TPTE: variants seen among roughly 807,000 people sequenced by gnomAD.
TPTE encodes the protein putative tyrosine-protein phosphatase TPTE.
TPTE carries 59 observed loss-of-function variants against 84.1 expected under a neutral mutation model. That is an observed-to-expected ratio of 0.70 (90% CI 0.57 to 0.87). The LOEUF (loss-of-function observed/expected upper bound fraction) is 0.87, where lower values mean the gene tolerates loss of function less well. Among genes scored for constraint, TPTE ranks in the 40% least tolerant of loss-of-function variants. The pLI, the probability that TPTE is intolerant of heterozygous loss-of-function variation, is 0.00. For missense variants in TPTE, 382 were observed against 659.6 expected (o/e 0.58, Z 4.61); for synonymous variants, 130 against 223.5 (o/e 0.58, Z 3.73).
intron 8 of TPTE, among the ~76,000 whole-genome samples, chr21:10,556,310 G>A (rs2074682449): frequency 6.6e-6 from 1 of 152,302 alleles, no homozygotes; most frequent in Admixed American, 6.5e-5. Context: ...TTCTGACCTT[G>A]CGGTAGCTTG....
chr21:10,605,194 C>A (rs1343869812), intron 23 of TPTE, among the ~76,000 whole-genome samples: 1 of 152,308 alleles, frequency 6.6e-6, no homozygotes, highest in Non-Finnish European at 1.5e-5. Flanking sequence ...TAAAGCAATG[C>A]TAAGAGAGTC....
chr21:10,569,666 C>T lies in TPTE; in HGVS notation c.667-17C>T, dbSNP rs111700820. On this transcript the variant is annotated splice_polypyrimidine_tract_variant and intron_variant, in intron 12 of 23. Coordinates refer to ENST00000618007, the MANE Select transcript of TPTE (RefSeq NM_199261.4). ...TGATGAGTGTTTCACAAACTAATGA[C>T]GATTTTAAACTGTCAGGTTTCAGAA... The T allele has an allele frequency of 1.2e-4, 188 of 1,613,570 alleles. No homozygotes were observed. The African/African-American group carries it at 2.0e-3, about 17-fold the overall frequency.
intron 21 of TPTE, among the ~76,000 whole-genome samples, 155 bp from the exon 22 acceptor site, chr21:10,601,903 T>C (rs1279078242): frequency 1.3e-5 from 2 of 152,422 alleles, no homozygotes; most frequent in East Asian, 3.9e-4. Context: ...GTATTGCAAC[T>C]AGAAGAGATT....
At chr21:10,527,094 AT>A (rs1759511229) in intron 2 of TPTE, among the ~76,000 whole-genome samples, 1 of 152,302 alleles carries the variant, frequency 6.6e-6, no homozygotes, top group Non-Finnish European at 1.5e-5. Context: ...ATATAGAAAC[AT>A]TCATTATTCT....
intron 2 of TPTE, among the ~76,000 whole-genome samples, chr21:10,526,737 G>C (rs469672): frequency 0.11 from 16,022 of 146,456 alleles, 7 homozygotes; most frequent in African/African-American, 0.29. Flanking sequence ...ATATGGTGTA[G>C]AGAGCAGGTT....
chr21:10,547,495 T>A (rs909765697), intron 7 of TPTE, among the ~76,000 whole-genome samples: 6 of 152,308 alleles, frequency 3.9e-5, no homozygotes, highest in African/African-American at 1.4e-4. Flanking sequence ...AACAGGAGAA[T>A]CTCACAGTCT....
At chr21:10,566,399 C>T (rs111362032) in intron 10 of TPTE, among the ~76,000 whole-genome samples, 3,721 of 150,916 alleles carry the variant, frequency 0.025, 1 homozygote, top group African/African-American at 0.088. Flanking sequence ...CCCTCATACA[C>T]TGTTCATGGA....
At chr21:10,540,144 G>A (rs1450347002) in intron 4 of TPTE, among the ~76,000 whole-genome samples, 8 of 152,420 alleles carry the variant, frequency 5.2e-5, no homozygotes, top group Admixed American at 2.6e-4. Context: ...TCTTTGGCAC[G>A]GCCCTGTGTG....
chr21:10,547,708 T>A (rs1255476626), intron 7 of TPTE, among the ~76,000 whole-genome samples: 1 of 152,304 alleles, frequency 6.6e-6, no homozygotes, highest in Non-Finnish European at 1.5e-5. Flanking sequence ...ACTGGAGCTT[T>A]ATCTTCAGTA....
At chr21:10,529,979 AT>A (rs1323788471) in intron 3 of TPTE, among the ~76,000 whole-genome samples, 1 of 152,312 alleles carries the variant, frequency 6.6e-6, no homozygotes, top group African/African-American at 2.4e-5. Flanking sequence ...AAGGAGAGCT[AT>A]TCCTACCCCT....
At chr21:10,575,283 A>G (rs796387922) in intron 14 of TPTE, among the ~76,000 whole-genome samples, 3,781 of 146,730 alleles carry the variant, frequency 0.026, no homozygotes, top group African/African-American at 0.1. Context: ...ACCCCAATCA[A>G]TTCCTCCTCA....
chr21:10,578,876 T>C (rs1174097006), intron 17 of TPTE, among the ~76,000 whole-genome samples: 1 of 152,312 alleles, frequency 6.6e-6, no homozygotes, highest in Non-Finnish European at 1.5e-5. Context: ...TATTTGGATT[T>C]CTTTATTTTT....
chr21:10,560,849 G>T (rs1372539732), intron 9 of TPTE, among the ~76,000 whole-genome samples, 181 bp from the exon 10 acceptor site: 3 of 152,308 alleles, frequency 2.0e-5, no homozygotes, highest in Non-Finnish European at 4.4e-5. Flanking sequence ...CTTCTATTGG[G>T]TGAAAACAGT....
intron 7 of TPTE, among the ~76,000 whole-genome samples, chr21:10,547,693 C>G (rs1378724459): frequency 6.6e-6 from 1 of 152,304 alleles, no homozygotes; most frequent in African/African-American, 2.4e-5. Flanking sequence ...CTGTGCCTCT[C>G]CAGCACTGGA....
At chr21:10,522,026 C>T (rs1001565320) in intron 1 of TPTE, among the ~76,000 whole-genome samples, 6 of 152,252 alleles carry the variant, frequency 3.9e-5, no homozygotes, top group African/African-American at 1.4e-4. Context: ...AGGAAATGGC[C>T]TAGGAGCCGG....
At chr21:10,525,987 G>C (rs1393675466) in intron 2 of TPTE, among the ~76,000 whole-genome samples, 4 of 152,298 alleles carry the variant, frequency 2.6e-5, no homozygotes, top group Non-Finnish European at 5.9e-5. Context: ...GAAAAATCTA[G>C]TAATCATTTA....
chr21:10,539,195 A>G (rs469751), intron 4 of TPTE, among the ~76,000 whole-genome samples: 31,784 of 144,882 alleles, frequency 0.22, 63 homozygotes, highest in African/African-American at 0.47. Flanking sequence ...AGAAAATCCT[A>G]TTTGCAACAT....
At chr21:10,566,471 G>T (rs927227707) in intron 10 of TPTE, among the ~76,000 whole-genome samples, 2 of 152,306 alleles carry the variant, frequency 1.3e-5, no homozygotes, top group Non-Finnish European at 2.9e-5. Context: ...ACTAAAAATA[G>T]AACTACCATA....
intron 14 of TPTE, among the ~76,000 whole-genome samples, chr21:10,571,463 C>T (rs1420406527): frequency 2.6e-5 from 4 of 152,302 alleles, no homozygotes; most frequent in African/African-American, 9.6e-5. Flanking sequence ...AGCAAGGAAA[C>T]ATTACACCTC....
Sources: gnomAD v4.1 joint callset for allele counts (sites outside exome capture counted in the v4.1 genomes callset) on GRCh38, gnomAD v4.1.1 for gene constraint, MANE v1.5 for transcripts, NCBI Gene and HGNC (gene_info 2026-07-23, HGNC 2026-07-21) for gene names.